LRRIQ1: variants seen among roughly 807,000 people sequenced by gnomAD.
The protein encoded by LRRIQ1 is leucine-rich repeat- and IQ domain-containing protein 1.
In LRRIQ1, 210 loss-of-function variants were observed where a neutral mutation model predicts 211.9. The observed-to-expected ratio is 0.99, with a 90% CI of 0.89 to 1.11. The LOEUF (loss-of-function observed/expected upper bound fraction) is 1.11, where lower values mean the gene tolerates loss of function less well. LRRIQ1 is among the 50% of genes most tolerant of loss of function. LRRIQ1 has a pLI of 0.00. For synonymous variants in LRRIQ1, 699 were observed against 650.1 expected, an observed-to-expected ratio of 1.08 and a Z score of -1.14; for missense variants, 2,136 against 1,939.5, an observed-to-expected ratio of 1.10 and a Z score of -1.90.
intron 24 of LRRIQ1, among the ~76,000 whole-genome samples, chr12:85,174,573 G>A (rs534496774): frequency 1.3e-5 from 2 of 151,062 alleles, no homozygotes; most frequent in African/African-American, 2.4e-5. Flanking sequence ...ATGCTGCTGT[G>A]TGCCTTTAGT....
intron 15 of LRRIQ1, among the ~76,000 whole-genome samples, chr12:85,116,326 A>G (rs1887576120): frequency 6.6e-6 from 1 of 151,230 alleles, no homozygotes; most frequent in Non-Finnish European, 1.5e-5. Flanking sequence ...TTTTTTTTTT[A>G]GTAGAGACGG....
At chr12:85,262,882 C>G (rs1593037506) in intron 1 of LRRIQ1, 1 of 933,552 alleles carries the variant, frequency 1.1e-6, no homozygotes, top group African/African-American at 1.8e-5. Context: ...GGTTCATATT[C>G]AGTGAAAGTG....
chr12:85,186,046 A>G (rs965813467), intron 24 of LRRIQ1, among the ~76,000 whole-genome samples: 4 of 152,048 alleles, frequency 2.6e-5, no homozygotes, highest in African/African-American at 9.7e-5. Flanking sequence ...CATAATTTTA[A>G]ATAATATTTA....
At position 85,153,716 on chromosome 12, in the gene LRRIQ1, G is replaced by C; in HGVS notation, c.4595G>C (p.Ser1532Thr). 6.3e-7 allele frequency: 1 copy of C among 1,584,286 alleles called. No individual in the cohort carries two copies. Among genetic ancestry groups the C allele is most frequent in the Non-Finnish European group, 8.6e-7 (1 of 1,167,648 alleles). Residue 1532 changes from serine to threonine, a missense_variant, in exon 22 of 27, where the codon AGT becomes ACT. By Grantham distance (58) the Ser-to-Thr change is moderately conservative (BLOSUM62 1). Transcript: ENST00000393217. ...CCTGAATCAAAGACCAGTAGAAAGA[G>C]TTTGCTAAAATCTGAAAAAGAAAAA... ...WTPESKTSRK[S>T]LLKSEKEKKI...
intron 20 of LRRIQ1, 58 bp downstream of exon 20, chr12:85,152,427 C>A (rs998419448): frequency 2.2e-6 from 3 of 1,377,154 alleles, no homozygotes; most frequent in South Asian, 1.2e-5. Flanking sequence ...TAAGGTTATG[C>A]TATGTTGCAG....
intron 7 of LRRIQ1, among the ~76,000 whole-genome samples, chr12:85,053,887 T>A (rs1283495771): frequency 6.6e-6 from 1 of 152,192 alleles, no homozygotes; most frequent in Non-Finnish European, 1.5e-5. Context: ...TTTTGTATTG[T>A]TAGTAGACAC....
At chr12:85,198,849 T>C (rs959600847) in intron 24 of LRRIQ1, among the ~76,000 whole-genome samples, 1 of 152,128 alleles carries the variant, frequency 6.6e-6, no homozygotes, top group African/African-American at 2.4e-5. Context: ...ATTACAGGTG[T>C]GAGACACCGC....
intron 26 of LRRIQ1, among the ~76,000 whole-genome samples, chr12:85,236,830 C>CATATATACATATATAT (rs1555228695): frequency 2.8e-5 from 3 of 108,810 alleles, no homozygotes; most frequent in Non-Finnish European, 5.3e-5. Context: ...TGTATGTGTG[C>CATATATACATATATAT]ATATATATAT....
chr12:85,053,594 C>T (rs553061224), intron 7 of LRRIQ1, among the ~76,000 whole-genome samples: 2 of 152,306 alleles, frequency 1.3e-5, no homozygotes, highest in African/African-American at 4.8e-5. Context: ...ACTCTTCCTC[C>T]ATTTTCTGGA....
chr12:85,254,187 A>G (rs551873796), intron 1 of LRRIQ1, among the ~76,000 whole-genome samples: 2 of 152,202 alleles, frequency 1.3e-5, no homozygotes, highest in African/African-American at 4.8e-5. Context: ...GGAGGCCTCA[A>G]GAAGCTCAGC....
chr12:85,206,973 G>T (rs1893589612), intron 24 of LRRIQ1, among the ~76,000 whole-genome samples: 1 of 152,084 alleles, frequency 6.6e-6, no homozygotes, highest in African/African-American at 2.4e-5. Context: ...CCCTGCAGAT[G>T]TTCCCACACC....
intron 1 of LRRIQ1, among the ~76,000 whole-genome samples, chr12:85,256,836 A>G (rs1896109499): frequency 6.6e-6 from 1 of 150,462 alleles, no homozygotes; most frequent in South Asian, 2.1e-4. Context: ...AAATTTTTCA[A>G]AGACTAAAAG....
Position 85,093,468 on chromosome 12 carries a change from A to G in LRRIQ1, c.2888-4887A>G, listed in dbSNP as rs188885566. The stretch of plus-strand genomic sequence containing the variant: ...TCTGTTTGCACACGTACGTGAGAAG[A>G]TGGATGCAGAGCATGCATGTCTTCT... On this transcript the variant is annotated intron_variant, in intron 11 of 26. Coordinates refer to ENST00000393217, the MANE Select transcript of LRRIQ1 (RefSeq NM_001079910.2). Among the ~76,000 whole-genome samples, 4 of 152,320 alleles carry G rather than the reference A, an allele frequency of 2.6e-5. No individual in the cohort carries two copies. The East Asian group carries it at 7.7e-4, about 29-fold the overall frequency.
At chr12:85,173,648 C>A (rs1891533543) in intron 24 of LRRIQ1, among the ~76,000 whole-genome samples, 1 of 151,656 alleles carries the variant, frequency 6.6e-6, no homozygotes, top group South Asian at 2.1e-4. Flanking sequence ...CACACACATA[C>A]ACACACACAC....
chr12:85,191,268 G>C (rs1013832525), intron 24 of LRRIQ1, among the ~76,000 whole-genome samples: 2 of 151,856 alleles, frequency 1.3e-5, no homozygotes, highest in Non-Finnish European at 1.5e-5. Flanking sequence ...CAGCCTCATA[G>C]TGCCATACAA....
At chr12:85,053,824 C>T (rs1880629830) in intron 7 of LRRIQ1, among the ~76,000 whole-genome samples, 1 of 152,204 alleles carries the variant, frequency 6.6e-6, no homozygotes, top group Non-Finnish European at 1.5e-5. Flanking sequence ...TCTCCTGCCT[C>T]AGCCTCCCGA....
intron 24 of LRRIQ1, among the ~76,000 whole-genome samples, chr12:85,202,467 A>T (rs551450526): frequency 6.6e-6 from 1 of 152,092 alleles, no homozygotes; most frequent in Non-Finnish European, 1.5e-5. Context: ...GGGTTATCCT[A>T]TGTAGTGTGC....
At chr12:85,188,182 C>G (rs1892323059) in intron 24 of LRRIQ1, among the ~76,000 whole-genome samples, 1 of 151,792 alleles carries the variant, frequency 6.6e-6, no homozygotes, top group Non-Finnish European at 1.5e-5. Context: ...GCAAATACAT[C>G]AAATTATATT....
chr12:85,205,574 C>A (rs998627506), intron 24 of LRRIQ1, among the ~76,000 whole-genome samples: 11 of 152,012 alleles, frequency 7.2e-5, no homozygotes, highest in South Asian at 4.1e-4. Flanking sequence ...GACTATGTGT[C>A]TTGGGGAGGG....
Sources: gnomAD v4.1 joint callset for allele counts (sites outside exome capture counted in the v4.1 genomes callset) on GRCh38, gnomAD v4.1.1 for gene constraint, MANE v1.5 for transcripts, NCBI Gene and HGNC (gene_info 2026-07-23, HGNC 2026-07-21) for gene names.